The following TKT variants were observed in gnomAD, a reference collection of about 807,000 sequenced individuals.
TKT encodes transketolase.
TKT carries 47 observed loss-of-function variants against 63.9 expected under a neutral mutation model. The ratio of observed to expected loss-of-function variants is 0.74; its 90% CI spans 0.58 to 0.94. The LOEUF is 0.94. TKT is among the 40% of genes least tolerant of loss of function. TKT has a pLI of 0.00. For synonymous variants in TKT, 338 were observed against 334.1 expected (o/e 1.01, Z -0.13); for missense variants, 721 against 846.2 (o/e 0.85, Z 1.84).
rs555032330 is a variant in TKT at position 53,238,639 on chromosome 3, C to T, written c.437+1612G>A. Among the ~76,000 whole-genome samples, 4 of 152,314 alleles carry T rather than the reference C, an allele frequency of 2.6e-5. No homozygotes were observed. The East Asian group carries it at 5.8e-4, about 22-fold the overall frequency. ...AGAACTGGGCCCTTCTCACACCCTG[C>T]GGGCTGGCCCCACTGGCCTTCCTCC... On this transcript the variant is annotated intron_variant, in intron 4 of 13. Coordinates refer to ENST00000462138, the MANE Select transcript of TKT (RefSeq NM_001064.4).
chr3:53,239,521 G>A (rs1705179470), intron 4 of TKT, among the ~76,000 whole-genome samples: 2 of 151,964 alleles, frequency 1.3e-5, no homozygotes, highest in Non-Finnish European at 2.9e-5. Context: ...TGCCTAGGCT[G>A]GTCTGGAACT....
At chr3:53,237,725 A>T (rs1705100476) in intron 4 of TKT, 1 of 152,276 alleles carries the variant, frequency 6.6e-6, no homozygotes. Context: ...GATTGAGACC[A>T]TCCTGGCTAA....
intron 1 of TKT, among the ~76,000 whole-genome samples, chr3:53,242,535 G>A (rs1390362680): frequency 6.6e-6 from 1 of 152,176 alleles, no homozygotes; most frequent in Admixed American, 6.5e-5. Flanking sequence ...TTGGACTTGA[G>A]TAAGAAGGAA....
chr3:53,255,731 G>A, intron 1 of TKT, 105 bp downstream of exon 1: 1 of 740,528 alleles, frequency 1.4e-6, no homozygotes, highest in Non-Finnish European at 1.9e-6. Context: ...CACCTTCCTC[G>A]TCTAGGCATC....
Position 53,225,658 on chromosome 3 carries a change from T to C in TKT, c.*98A>G, listed in dbSNP as rs1553675251. ...ACATTTCAGGGCCAATTCATTTTTC[T>C]CAAAACATATATTTACCCCTCCTCT... On this transcript the variant is annotated 3_prime_UTR_variant, in exon 14 of 14. Coordinates refer to ENST00000462138, the MANE Select transcript of TKT (RefSeq NM_001064.4). 3.0e-6 allele frequency: 4 copies of C among 1,351,170 alleles called. No individual in the cohort carries two copies. In the African/African-American group the frequency reaches 4.4e-5, roughly 15 times the overall value. 83.7% of individuals were successfully genotyped at this position (1,351,170 alleles called of 1,614,324 possible). A position where few individuals can be genotyped will look rare whatever the true frequency, so the allele number is the denominator to read the frequency against.
At chr3:53,252,549 G>T (rs781922680) in intron 1 of TKT, among the ~76,000 whole-genome samples, 20 of 151,590 alleles carry the variant, frequency 1.3e-4, no homozygotes, top group Non-Finnish European at 2.8e-4. Flanking sequence ...GATATTTTTT[G>T]AGTTCAGTGA....
In TKT at chr3:53,228,299, C is replaced by T. The variant is rs377761157; in HGVS notation, c.1456G>A (p.Asp486Asn). ...ENAIIYNNNEDFQVGQAKVVL... is the reference protein window; with the variant it reads ...ENAIIYNNNENFQVGQAKVVL... ...ACCTTGGCTTGTCCGACCTGGAAGTCCTCATTGTTGTTATAGATGATGGCA... is the reference window on the plus strand; with the variant it reads ...ACCTTGGCTTGTCCGACCTGGAAGTTCTCATTGTTGTTATAGATGATGGCA... Residue 486 changes from aspartate to asparagine, a missense_variant, in exon 11 of 14, where the codon GAC becomes AAC. Coordinates refer to ENST00000462138, the MANE Select transcript of TKT (RefSeq NM_001064.4). 6.8e-6 allele frequency: 11 copies of T among 1,614,052 alleles called. No individual in the cohort carries two copies. In the African/African-American group the frequency reaches 1.1e-4, roughly 16 times the overall value.
intron 4 of TKT, among the ~76,000 whole-genome samples, chr3:53,238,567 T>G (rs782218488): frequency 5.9e-5 from 9 of 152,232 alleles, no homozygotes; most frequent in Non-Finnish European, 1.2e-4. Flanking sequence ...CTATGGCACT[T>G]CTGCTGCAGG....
At chr3:53,236,025 T>C (rs1434416386) in intron 4 of TKT, among the ~76,000 whole-genome samples, 1 of 60,390 alleles carries the variant, frequency 1.7e-5, no homozygotes, top group African/African-American at 4.4e-5. Flanking sequence ...TGTCAGGAAG[T>C]TGCTGAGCCA....
intron 10 of TKT, chr3:53,228,743 G>C (rs1553676168): frequency 5.4e-6 from 3 of 554,068 alleles, no homozygotes; most frequent in Non-Finnish European, 6.4e-6. Flanking sequence ...GGAGGGTGGA[G>C]AGGTGTCAAC....
At chr3:53,239,814 C>T (rs1705192595) in intron 4 of TKT, among the ~76,000 whole-genome samples, 1 of 152,236 alleles carries the variant, frequency 6.6e-6, no homozygotes, top group African/African-American at 2.4e-5. Flanking sequence ...CAACCCTCCC[C>T]TTTACCAAGA....
intron 2 of TKT, among the ~76,000 whole-genome samples, chr3:53,241,609 C>T (rs568621376): frequency 7.9e-5 from 12 of 152,230 alleles, no homozygotes; most frequent in African/African-American, 1.4e-4. Context: ...CCAAACGCCA[C>T]GGAGGCAGGC....
intron 2 of TKT, 64 bp downstream of exon 2, chr3:53,242,061 C>A (rs1705303119): frequency 6.7e-7 from 1 of 1,501,230 alleles, no homozygotes; most frequent in Admixed American, 1.7e-5. Flanking sequence ...ACTCACCATT[C>A]CAGGGCCCGT....
intron 1 of TKT, among the ~76,000 whole-genome samples, chr3:53,253,608 T>C (rs1238092410): frequency 6.6e-6 from 1 of 152,080 alleles, no homozygotes; most frequent in Non-Finnish European, 1.5e-5. Context: ...CTACTAAAAA[T>C]ACAAAAATTA....
Position 53,255,751 on chromosome 3 carries a change from G to A in TKT, c.107+85C>T, listed in dbSNP as rs913576739. On this transcript the variant is annotated intron_variant, in intron 1 of 13. Transcript: ENST00000462138. ...TCCTCGTCTAGGCATCTCGCAGCGC[G>A]ACCCAGAGCCCGCGGCGACTCTGGC... The A allele has an allele frequency of 2.4e-5, 22 of 927,402 alleles. No homozygotes were observed. The African/African-American group carries it at 3.0e-4, about 13-fold the overall frequency. The allele number at this position is 927,402 out of a possible 1,614,324, so 57.4% of individuals were successfully genotyped here.
chr3:53,237,390 A>AAAAAC (rs1185642391), intron 4 of TKT, among the ~76,000 whole-genome samples: 4 of 151,750 alleles, frequency 2.6e-5, no homozygotes, highest in African/African-American at 9.7e-5. Context: ...TCCATCTCAA[A>AAAAAC]AAAACAAAAC....
chr3:53,253,555 G>C (rs1165637051), intron 1 of TKT, among the ~76,000 whole-genome samples: 1 of 152,204 alleles, frequency 6.6e-6, no homozygotes, highest in Admixed American at 6.5e-5. Context: ...TGGATCACCT[G>C]AGGTCAAGAG....
chr3:53,244,432 A>G (rs1705420863), intron 1 of TKT, among the ~76,000 whole-genome samples: 1 of 152,184 alleles, frequency 6.6e-6, no homozygotes, highest in Non-Finnish European at 1.5e-5. Context: ...CGCAGCATGC[A>G]CAGTACCCAG....
intron 1 of TKT, among the ~76,000 whole-genome samples, chr3:53,242,752 C>A (rs1342166846): frequency 6.6e-6 from 1 of 152,262 alleles, no homozygotes; most frequent in East Asian, 1.9e-4. Flanking sequence ...TGAAGGGCAC[C>A]CTGCCCTCTC....
Sources: allele counts gnomAD v4.1 joint callset (sites outside exome capture counted in the v4.1 genomes callset), GRCh38; gene constraint gnomAD v4.1.1; transcripts MANE v1.5; gene names NCBI Gene and HGNC (gene_info 2026-07-23, HGNC 2026-07-21).